The following FMN2 variants were observed in gnomAD, a reference collection of about 807,000 sequenced individuals.
The protein encoded by FMN2 is formin 2.
FMN2 carries 51 observed loss-of-function variants against 142.3 expected under a neutral mutation model. The ratio of observed to expected loss-of-function variants is 0.36; its 90% CI spans 0.29 to 0.45. The LOEUF (loss-of-function observed/expected upper bound fraction) is 0.45, where lower values mean the gene tolerates loss of function less well. Among genes scored for constraint, FMN2 ranks in the 20% least tolerant of loss-of-function variants. The pLI is 1.00. For synonymous variants in FMN2, 882 were observed against 869.8 expected (o/e 1.01, Z -0.25); for missense variants, 1,936 against 2,122.8 (o/e 0.91, Z 1.73).
At chr1:240,338,100 G>A (rs1434778632) in intron 13 of FMN2, among the ~76,000 whole-genome samples, 2 of 152,120 alleles carry the variant, frequency 1.3e-5, no homozygotes, top group African/African-American at 4.8e-5. Context: ...TTAAGTTACC[G>A]GAACTGGATG....
chr1:240,129,033 C>T (rs943853128), intron 2 of FMN2, among the ~76,000 whole-genome samples: 11 of 152,010 alleles, frequency 7.2e-5, no homozygotes, highest in African/African-American at 1.5e-4. Flanking sequence ...ACCACGACGC[C>T]GAGCTAATTT....
chr1:240,209,860 C>T (rs940272248), intron 5 of FMN2, among the ~76,000 whole-genome samples: 3 of 151,830 alleles, frequency 2.0e-5, no homozygotes, highest in African/African-American at 7.2e-5. Context: ...GCCGAGATCG[C>T]GCCACTGCAC....
At chr1:240,184,784 T>C (rs1351520215) in intron 3 of FMN2, among the ~76,000 whole-genome samples, 8 of 151,902 alleles carry the variant, frequency 5.3e-5, no homozygotes, top group Admixed American at 2.0e-4. Context: ...GTGATCACTT[T>C]CATTTAGGGA....
intron 13 of FMN2, among the ~76,000 whole-genome samples, chr1:240,347,010 A>G (rs1671930693): frequency 6.6e-6 from 1 of 152,260 alleles, no homozygotes; most frequent in Non-Finnish European, 1.5e-5. Flanking sequence ...TAAGCAATTA[A>G]TAAATTAGAA....
intron 15 of FMN2, among the ~76,000 whole-genome samples, chr1:240,409,620 T>C (rs1674331074): frequency 6.6e-6 from 1 of 152,218 alleles, no homozygotes; most frequent in African/African-American, 2.4e-5. Flanking sequence ...TCAAATGTCT[T>C]TTCTGTCCTT....
intron 2 of FMN2, among the ~76,000 whole-genome samples, chr1:240,163,152 A>T (rs1664347225): frequency 6.6e-6 from 1 of 152,188 alleles, no homozygotes; most frequent in African/African-American, 2.4e-5. Flanking sequence ...TTTACCGAAG[A>T]TGTGATCAGC....
At chr1:240,260,255 T>G (rs1041723486) in intron 7 of FMN2, among the ~76,000 whole-genome samples, 1 of 152,168 alleles carries the variant, frequency 6.6e-6, no homozygotes, top group Non-Finnish European at 1.5e-5. Flanking sequence ...TCTTTTCCTC[T>G]GGGTAGATAT....
intron 16 of FMN2, among the ~76,000 whole-genome samples, chr1:240,438,618 CAT>C (rs2103181210): frequency 6.6e-6 from 1 of 152,294 alleles, no homozygotes; most frequent in Non-Finnish European, 1.5e-5. Context: ...GTTTACCACT[CAT>C]ATCAAAAGTT....
chr1:240,210,560 T>C (rs2103401307), intron 5 of FMN2, among the ~76,000 whole-genome samples: 1 of 152,272 alleles, frequency 6.6e-6, no homozygotes, highest in Non-Finnish European at 1.5e-5. Context: ...ACAGGGGAAG[T>C]TCTTGTGTTT....
At chr1:240,321,090 CA>C (rs1670956253) in intron 8 of FMN2, among the ~76,000 whole-genome samples, 1 of 151,602 alleles carries the variant, frequency 6.6e-6, no homozygotes, top group Non-Finnish European at 1.5e-5. Flanking sequence ...TACTGCATGG[CA>C]AAGTATGTCG....
At chr1:240,271,417 A>AT (rs199805120) in intron 7 of FMN2, among the ~76,000 whole-genome samples, 38,708 of 138,724 alleles carry the variant, frequency 0.28, 5,251 homozygotes, top group Middle Eastern at 0.37. Flanking sequence ...TCAGTGTCTG[A>AT]TTTTTTTTTT....
At chr1:240,241,141 A>G (rs1667881525) in intron 6 of FMN2, among the ~76,000 whole-genome samples, 2 of 152,148 alleles carry the variant, frequency 1.3e-5, no homozygotes, top group African/African-American at 4.8e-5. Flanking sequence ...CTGCTAGAAT[A>G]AAAACTTTAA....
intron 4 of FMN2, 86 bp from the exon 5 acceptor site, chr1:240,206,709 CAACA>C: frequency 7.1e-7 from 1 of 1,416,686 alleles, no homozygotes; most frequent in African/African-American, 1.4e-5. Context: ...GGAAGTATGA[CAACA>C]AACAGATATA....
intron 6 of FMN2, among the ~76,000 whole-genome samples, chr1:240,232,936 T>A (rs1667576456): frequency 6.6e-6 from 1 of 152,230 alleles, no homozygotes; most frequent in Non-Finnish European, 1.5e-5. Context: ...GATATTTATT[T>A]TATCTTTTCT....
intron 4 of FMN2, among the ~76,000 whole-genome samples, chr1:240,205,537 C>T (rs1315170949): frequency 2.1e-5 from 3 of 145,094 alleles, no homozygotes; most frequent in Admixed American, 7.0e-5. Flanking sequence ...TCTCAGCTCA[C>T]TGCAAGCTCC....
intron 7 of FMN2, among the ~76,000 whole-genome samples, chr1:240,287,288 A>G (rs75691896): frequency 6.6e-6 from 1 of 152,168 alleles, no homozygotes; most frequent in Non-Finnish European, 1.5e-5. Context: ...GATCTCTGCT[A>G]CATAAGATGA....
chr1:240,358,705 A>C (rs1346305159), intron 14 of FMN2, among the ~76,000 whole-genome samples: 1 of 152,188 alleles, frequency 6.6e-6, no homozygotes, highest in African/African-American at 2.4e-5. Context: ...CCCTATCATA[A>C]GAACGGCATG....
chr1:240,156,427 G>C (rs985468669), intron 2 of FMN2, among the ~76,000 whole-genome samples: 1 of 152,130 alleles, frequency 6.6e-6, no homozygotes, highest in African/African-American at 2.4e-5. Flanking sequence ...AAGATGTCTC[G>C]GCAGAGGCAT....
At chr1:240,447,546 G>A (rs1056881532) in intron 16 of FMN2, among the ~76,000 whole-genome samples, 2 of 152,238 alleles carry the variant, frequency 1.3e-5, no homozygotes, top group African/African-American at 4.8e-5. Context: ...AGTAACAAGT[G>A]TTGCAGATGA....
Sources: allele counts gnomAD v4.1 joint callset (sites outside exome capture counted in the v4.1 genomes callset), GRCh38; gene constraint gnomAD v4.1.1; transcripts MANE v1.5; gene names NCBI Gene and HGNC (gene_info 2026-07-23, HGNC 2026-07-21).